SLC14A2: variants seen among roughly 807,000 people sequenced by gnomAD.
SLC14A2 encodes the protein solute carrier family 14 member 2.
SLC14A2 carries 91 observed loss-of-function variants against 104.6 expected under a neutral mutation model. That is an observed-to-expected ratio of 0.87 (90% CI 0.73 to 1.04). The LOEUF is 1.04. Ranked by LOEUF, SLC14A2 falls within the 50% of genes least tolerant of loss-of-function variation. The pLI, the probability that SLC14A2 is intolerant of heterozygous loss-of-function variation, is 0.00. For synonymous variants in SLC14A2, 476 were observed against 466.4 expected, an observed-to-expected ratio of 1.02 and a Z score of -0.27; for missense variants, 1,189 against 1,156.0, an observed-to-expected ratio of 1.03 and a Z score of -0.41.
upstream of SLC14A2, among the ~76,000 whole-genome samples, chr18:45,208,762 A>T (rs1399843789): frequency 6.6e-6 from 1 of 152,078 alleles, no homozygotes; most frequent in Admixed American, 6.6e-5. Context: ...GAGTGAGTGT[A>T]CTTAGGGAAG....
chr18:45,611,222 G>A (rs533489112), upstream of SLC14A2, among the ~76,000 whole-genome samples: 6 of 152,122 alleles, frequency 3.9e-5, no homozygotes, highest in Admixed American at 6.5e-5. Context: ...ATCTGACTCC[G>A]AGCTTTACCT....
At chr18:45,593,340 A>G (rs896591721) in intron 2 of SLC14A2, among the ~76,000 whole-genome samples, 3 of 151,812 alleles carry the variant, frequency 2.0e-5, no homozygotes, top group Admixed American at 6.6e-5. Flanking sequence ...TGAGCCATCA[A>G]TGTGAGGCAG....
intron 1 of SLC14A2, among the ~76,000 whole-genome samples, chr18:45,279,289 A>C (rs978649284): frequency 1.3e-5 from 2 of 152,228 alleles, no homozygotes; most frequent in Non-Finnish European, 2.9e-5. Flanking sequence ...ATTTTCTAGC[A>C]AAAACAGGTC....
chr18:45,354,863 C>T (rs2085536543), intron 1 of SLC14A2, among the ~76,000 whole-genome samples: 2 of 152,228 alleles, frequency 1.3e-5, no homozygotes, highest in Admixed American at 1.3e-4. Flanking sequence ...TCCCAAAGGA[C>T]TTTCAGCTGT....
At chr18:45,309,400 C>A (rs985684511) in intron 1 of SLC14A2, among the ~76,000 whole-genome samples, 49 of 151,624 alleles carry the variant, frequency 3.2e-4, no homozygotes, top group African/African-American at 1.2e-3. Flanking sequence ...TCATAGCCAA[C>A]TACAGCCTCC....
chr18:45,226,935 C>T (rs1343121254), intron 1 of SLC14A2, among the ~76,000 whole-genome samples: 4 of 152,148 alleles, frequency 2.6e-5, no homozygotes, highest in Non-Finnish European at 4.4e-5. Context: ...GGCACACACT[C>T]AACAGCTCAG....
rs146807821 is a variant in SLC14A2 at position 45,445,704 on chromosome 18, G to C, written c.-124-37529G>C. On this transcript the variant is annotated intron_variant, in intron 1 of 20. Transcript: ENST00000586448. Reference sequence around the variant, plus strand: ...ACAAGCTACAGATTAGGTTAGATGAGAATAGAGTTGGCCCTATGCAGATAT... The same window carrying C: ...ACAAGCTACAGATTAGGTTAGATGACAATAGAGTTGGCCCTATGCAGATAT... Among the ~76,000 whole-genome samples, 41 of 152,328 alleles carry C rather than the reference G, an allele frequency of 2.7e-4. 1 individual carries two copies. The East Asian group carries it at 7.7e-3, about 29-fold the overall frequency.
intron 1 of SLC14A2, among the ~76,000 whole-genome samples, chr18:45,334,773 G>A (rs1475089197): frequency 1.3e-5 from 2 of 152,172 alleles, no homozygotes; most frequent in Non-Finnish European, 2.9e-5. Context: ...CTGCAGCACA[G>A]GTAGCCCTAG....
chr18:45,343,950 A>G (rs2085422201), intron 1 of SLC14A2, among the ~76,000 whole-genome samples: 1 of 152,174 alleles, frequency 6.6e-6, no homozygotes, highest in African/African-American at 2.4e-5. Context: ...TAGTCCCTGG[A>G]GGGGAAGTAG....
chr18:45,666,882 A>C (rs1007898230), intron 12 of SLC14A2, 53 bp from the exon 13 acceptor site: 1 of 1,488,842 alleles, frequency 6.7e-7, no homozygotes, highest in Non-Finnish European at 9.3e-7. Context: ...ATGAATTCTC[A>C]GTGTAAGAAC....
intron 1 of SLC14A2, among the ~76,000 whole-genome samples, chr18:45,333,070 T>C (rs2085305010): frequency 6.6e-6 from 1 of 152,192 alleles, no homozygotes; most frequent in Admixed American, 6.5e-5. Flanking sequence ...TTTCTCCAAC[T>C]CAATTTGGCT....
At chr18:45,243,303 G>A (rs555847242) in intron 1 of SLC14A2, among the ~76,000 whole-genome samples, 2 of 152,284 alleles carry the variant, frequency 1.3e-5, no homozygotes, top group African/African-American at 4.8e-5. Flanking sequence ...CTTCACAAAA[G>A]TTACCATAAT....
At chr18:45,299,470 T>G (rs943532183) in intron 1 of SLC14A2, among the ~76,000 whole-genome samples, 2 of 152,242 alleles carry the variant, frequency 1.3e-5, no homozygotes, top group African/African-American at 4.8e-5. Flanking sequence ...TTTTGTTTTT[T>G]TATTTTTTCG....
chr18:45,570,895 T>C (rs192771778), intron 2 of SLC14A2, among the ~76,000 whole-genome samples: 9,510 of 152,344 alleles, frequency 0.062, 317 homozygotes, highest in African/African-American at 0.08. Context: ...TTTTTTATTG[T>C]TGCTCTGTGT....
intron 1 of SLC14A2, among the ~76,000 whole-genome samples, chr18:45,305,140 GC>G (rs1337464326): frequency 3.3e-5 from 5 of 152,208 alleles, no homozygotes; most frequent in Non-Finnish European, 5.9e-5. Context: ...GAAGGCCAAA[GC>G]ATTTCAGGAG....
chr18:45,276,243 T>G lies in SLC14A2; in HGVS notation c.-125+63052T>G, dbSNP rs73952827. On this transcript the variant is annotated intron_variant, in intron 1 of 20. Transcript: ENST00000586448. ...CAGGCGGCATATTTCATTTATTTAT[T>G]CCTTTAGCAAGTTCACTCATGTGTG... Among the ~76,000 whole-genome samples, 817 of 152,338 alleles carry G rather than the reference T, an allele frequency of 5.4e-3. 7 individuals carry two copies. Among genetic ancestry groups the G allele is most frequent in the African/African-American group, 0.018 (761 of 41,572 alleles).
chr18:45,192,929 A>T, the SLC14A2 span, among the ~76,000 whole-genome samples: 1 of 152,054 alleles, frequency 6.6e-6, no homozygotes, highest in African/African-American at 2.4e-5. Context: ...TGCTGGGATT[A>T]TAGGCATGAA....
rs138606077 is a variant in SLC14A2, at chr18:45,290,794, G to C, written c.-125+77603G>C. Among the ~76,000 whole-genome samples, 29 of 152,230 alleles carry C rather than the reference G, an allele frequency of 1.9e-4. No homozygotes were observed. The East Asian group carries it at 3.7e-3, about 19-fold the overall frequency. ...TGTTTATTTTTAGTTATTTAATGTG[G>C]CTACTAGAAAATTTAAAATTTCATA... On this transcript the variant is annotated intron_variant, in intron 1 of 20. Transcript: ENST00000586448.
At chr18:45,479,056 AG>A (rs2144691884) in intron 1 of SLC14A2, among the ~76,000 whole-genome samples, 1 of 152,296 alleles carries the variant, frequency 6.6e-6, no homozygotes, top group African/African-American at 2.4e-5. Flanking sequence ...GACACCTTTC[AG>A]CATCTACCTG....
Sources: allele counts gnomAD v4.1 joint callset (sites outside exome capture counted in the v4.1 genomes callset), GRCh38; gene constraint gnomAD v4.1.1; transcripts MANE v1.5; gene names NCBI Gene and HGNC (gene_info 2026-07-23, HGNC 2026-07-21).